The following CSMD1 variants were observed in gnomAD, a reference collection of about 807,000 sequenced individuals.
CSMD1 encodes CUB and sushi domain-containing protein 1.
Under a neutral mutation model 417.5 loss-of-function variants are expected in CSMD1, and 213 were observed. The observed-to-expected ratio is 0.51, with a 90% CI of 0.46 to 0.57. CSMD1 has a LOEUF of 0.57. Ranked by LOEUF, CSMD1 falls within the 20% of genes least tolerant of loss-of-function variation. The pLI is 0.00. For missense variants in CSMD1, 6,923 were observed against 4,529.7 expected (o/e 1.53, Z -15.17); for synonymous variants, 2,862 against 1,736.8 (o/e 1.65, Z -16.11).
chr8:4,558,055 A>C (rs1798173846), intron 2 of CSMD1, among the ~76,000 whole-genome samples: 1 of 152,214 alleles, frequency 6.6e-6, no homozygotes, highest in African/African-American at 2.4e-5. Context: ...CTTATGTCAT[A>C]CTGACTCAGC....
At chr8:3,657,777 T>C (rs990783725) in intron 7 of CSMD1, among the ~76,000 whole-genome samples, 6 of 152,110 alleles carry the variant, frequency 3.9e-5, no homozygotes, top group Admixed American at 1.3e-4. Flanking sequence ...CAAACCACCA[T>C]GGCACGTGTA....
chr8:4,109,543 G>A (rs956810349), intron 3 of CSMD1, among the ~76,000 whole-genome samples: 16 of 152,110 alleles, frequency 1.1e-4, no homozygotes, highest in African/African-American at 3.6e-4. Context: ...AAGTTTTCAG[G>A]CAAAATTGAC....
At chr8:3,927,645 A>T (rs571781993) in intron 5 of CSMD1, among the ~76,000 whole-genome samples, 3 of 152,174 alleles carry the variant, frequency 2.0e-5, no homozygotes, top group Non-Finnish European at 4.4e-5. Context: ...ACACTCGGCG[A>T]AAGAGTGAAA....
intron 5 of CSMD1, among the ~76,000 whole-genome samples, chr8:3,887,980 G>A (rs539717457): frequency 4.1e-4 from 62 of 152,226 alleles, no homozygotes; most frequent in African/African-American, 1.4e-3. Flanking sequence ...AAGCTTGTCA[G>A]GATTCTTATC....
chr8:4,444,971 G>A lies in CSMD1; in HGVS notation c.303-24906C>T, dbSNP rs188595742. Among the ~76,000 whole-genome samples, 27 of 152,266 alleles carry A rather than the reference G, an allele frequency of 1.8e-4. No homozygotes were observed. In the South Asian group the frequency reaches 2.3e-3, roughly 13 times the overall value. ...ACTGGGAAATCTCCACTGTGTTAAAGAAATGTTATTTCCCTTCTCTTGCAT... is the reference window on the plus strand; with the variant it reads ...ACTGGGAAATCTCCACTGTGTTAAAAAAATGTTATTTCCCTTCTCTTGCAT... On this transcript the variant is annotated intron_variant, in intron 2 of 69. Coordinates refer to ENST00000635120, the MANE Select transcript of CSMD1 (RefSeq NM_033225.6).
chr8:3,942,578 G>C (rs77652149), intron 5 of CSMD1, among the ~76,000 whole-genome samples: 4 of 152,156 alleles, frequency 2.6e-5, no homozygotes, highest in African/African-American at 4.8e-5. Flanking sequence ...TTCACAGAGA[G>C]ATAGATGTAG....
intron 10 of CSMD1, among the ~76,000 whole-genome samples, chr8:3,505,764 G>A (rs1045385139): frequency 6.6e-6 from 1 of 152,132 alleles, no homozygotes; most frequent in Admixed American, 6.5e-5. Flanking sequence ...TAGCAAACAG[G>A]CTATTTTATG....
chr8:3,564,913 T>C (rs964311660), intron 10 of CSMD1, among the ~76,000 whole-genome samples: 2 of 150,802 alleles, frequency 1.3e-5, no homozygotes, highest in Admixed American at 6.6e-5. Flanking sequence ...GAGACAAATA[T>C]GTTGGAGAGT....
At chr8:3,039,912 A>T (rs1318197845) in intron 50 of CSMD1, among the ~76,000 whole-genome samples, 2 of 152,172 alleles carry the variant, frequency 1.3e-5, no homozygotes, top group African/African-American at 4.8e-5. Flanking sequence ...TCCTCTTCTA[A>T]AAATTAATCT....
intron 37 of CSMD1, among the ~76,000 whole-genome samples, chr8:3,173,376 T>C (rs1164423713): frequency 6.6e-6 from 1 of 152,192 alleles, no homozygotes; most frequent in Admixed American, 6.5e-5. Flanking sequence ...TCCATGGTCC[T>C]TGGTGCACTT....
rs527591092 is a variant in CSMD1, at chr8:4,920,197, T to A, written c.85+74135A>T. Among the ~76,000 whole-genome samples, 13 of 152,318 alleles carry A rather than the reference T, an allele frequency of 8.5e-5. No individual in the cohort carries two copies. The South Asian group carries it at 2.5e-3, about 29-fold the overall frequency. On this transcript the variant is annotated intron_variant, in intron 1 of 69. Transcript: ENST00000635120. ...GCCTTTTCTAAGAGTCTTATGCTAA[T>A]GAACCAAACAGGACAGGATCTTCAC...
intron 5 of CSMD1, among the ~76,000 whole-genome samples, chr8:3,943,360 A>T (rs1378613440): frequency 1.9e-5 from 2 of 107,270 alleles, no homozygotes; most frequent in African/African-American, 3.6e-5. Flanking sequence ...CAATTTTGTT[A>T]AAAAAAAAAA....
intron 51 of CSMD1, among the ~76,000 whole-genome samples, chr8:3,027,667 G>T (rs1217779395): frequency 1.6e-4 from 25 of 152,144 alleles, no homozygotes. Context: ...CAAATTTGTG[G>T]CCCGAGACAC....
At chr8:4,188,829 G>C (rs1798841663) in intron 3 of CSMD1, among the ~76,000 whole-genome samples, 1 of 148,730 alleles carries the variant, frequency 6.7e-6, no homozygotes, top group Non-Finnish European at 1.5e-5. Context: ...TAATTGGGAG[G>C]GATATTAAAA....
intron 5 of CSMD1, among the ~76,000 whole-genome samples, chr8:3,762,208 C>T (rs1027243191): frequency 6.6e-6 from 1 of 152,140 alleles, no homozygotes; most frequent in African/African-American, 2.4e-5. Flanking sequence ...CCATGCAAAG[C>T]CCCATGTGCC....
intron 3 of CSMD1, among the ~76,000 whole-genome samples, chr8:4,144,399 T>G (rs1012821781): frequency 6.6e-6 from 1 of 151,226 alleles, no homozygotes. Context: ...TTATCTTTTC[T>G]GTTTTGCCAG....
chr8:3,300,575 T>G (rs74899542), intron 25 of CSMD1, among the ~76,000 whole-genome samples: 3,353 of 152,144 alleles, frequency 0.022, 117 homozygotes, highest in African/African-American at 0.076. Context: ...GCAAACAAAT[T>G]TCCTAGGCAT....
At chr8:3,393,308 C>T (rs1320604084) in intron 17 of CSMD1, among the ~76,000 whole-genome samples, 1 of 152,194 alleles carries the variant, frequency 6.6e-6, no homozygotes, top group East Asian at 1.9e-4. Context: ...CCTCTGCTCA[C>T]TTCTGTGGCT....
At chr8:3,900,726 C>T (rs1173621870) in intron 5 of CSMD1, among the ~76,000 whole-genome samples, 1 of 151,996 alleles carries the variant, frequency 6.6e-6, no homozygotes, top group East Asian at 1.9e-4. Flanking sequence ...AGCTGGGTGA[C>T]ACTATAGCTA....
Sources: gnomAD v4.1 joint callset for allele counts (sites outside exome capture counted in the v4.1 genomes callset) on GRCh38, gnomAD v4.1.1 for gene constraint, MANE v1.5 for transcripts, NCBI Gene and HGNC (gene_info 2026-07-23, HGNC 2026-07-21) for gene names.